TBC1D4: variants seen among roughly 807,000 people sequenced by gnomAD.
TBC1D4 encodes TBC1 domain family member 4, also known as TBC (Tre-2, BUB2, CDC16) domain-containing protein.
Under a neutral mutation model 142.5 loss-of-function variants are expected in TBC1D4, and 121 were observed. The ratio of observed to expected loss-of-function variants is 0.85; its 90% CI spans 0.73 to 0.99. The LOEUF is 0.99. Ranked by LOEUF, TBC1D4 falls within the 50% of genes least tolerant of loss-of-function variation. The pLI is 0.00. For missense variants in TBC1D4, 1,475 were observed against 1,606.6 expected (o/e 0.92, Z 1.40); for synonymous variants, 630 against 628.2 (o/e 1.00, Z -0.04).
chr13:75,410,935 C>CAAAAAAAAAA (rs60172018), intron 1 of TBC1D4, among the ~76,000 whole-genome samples: 4 of 63,208 alleles, frequency 6.3e-5, no homozygotes, highest in Admixed American at 2.6e-4. Flanking sequence ...GACTCCGTCT[C>CAAAAAAAAAA]AAAAAAAAAA....
chr13:75,295,749 T>C (rs924291670), intron 17 of TBC1D4, among the ~76,000 whole-genome samples: 2 of 152,196 alleles, frequency 1.3e-5, no homozygotes, highest in Non-Finnish European at 2.9e-5. Context: ...ATACTACAGA[T>C]AAAGCAGTAG....
chr13:75,345,213 A>G (rs1881049066), intron 5 of TBC1D4, among the ~76,000 whole-genome samples: 1 of 152,208 alleles, frequency 6.6e-6, no homozygotes, highest in Non-Finnish European at 1.5e-5. Context: ...TCATGTGTAA[A>G]AGAGATTCAG....
chr13:75,329,774 G>A (rs1315274174), intron 8 of TBC1D4, among the ~76,000 whole-genome samples: 3 of 152,016 alleles, frequency 2.0e-5, no homozygotes, highest in East Asian at 3.8e-4. Context: ...CTAATAGTTC[G>A]GCTGGATATC....
At chr13:75,345,491 C>T (rs888204536) in intron 5 of TBC1D4, among the ~76,000 whole-genome samples, 1 of 152,164 alleles carries the variant, frequency 6.6e-6, no homozygotes, top group Non-Finnish European at 1.5e-5. Flanking sequence ...TACATGCATG[C>T]CTTGAAGTGC....
At position 75,294,935 on chromosome 13, in the gene TBC1D4, T is replaced by C. The variant is rs1322363170; in HGVS notation, c.3235A>G (p.Ser1079Gly). The C allele has an allele frequency of 6.2e-7, 1 of 1,613,888 alleles. No individual in the cohort carries two copies. The highest frequency in any genetic ancestry group is 1.3e-5 in the African/African-American group (1 of 74,920). ...CAGGGGGCAGCATAAAGACTGGGGC[T>C]GATTTCATTTTCTTCAAGGTGATTG... ...LYNHLEENEI[S>G]PSLYAAPWFL... The change falls in exon 18 of 21, where the codon AGC becomes GGC. Residue 1079 changes from serine (S) to glycine (G), a missense_variant. By Grantham distance (56) the Ser-to-Gly change is moderately conservative (BLOSUM62 0). Around this residue, in one of 2 missense-constraint regions of TBC1D4, gnomAD observed 248 missense variants for 338.9 expected, o/e 0.73. Coordinates refer to ENST00000377636, the MANE Select transcript of TBC1D4 (RefSeq NM_014832.5).
intron 3 of TBC1D4, among the ~76,000 whole-genome samples, chr13:75,358,383 G>A (rs1187178801): frequency 6.6e-6 from 1 of 152,162 alleles, no homozygotes; most frequent in Non-Finnish European, 1.5e-5. Context: ...TGTCCTTTAA[G>A]TAGGAATGTA....
At chr13:75,410,140 T>C (rs1593855724) in intron 1 of TBC1D4, among the ~76,000 whole-genome samples, 1 of 152,228 alleles carries the variant, frequency 6.6e-6, no homozygotes, top group Non-Finnish European at 1.5e-5. Flanking sequence ...TGTATGCTCA[T>C]GATAATCACT....
chr13:75,439,623 A>G (rs1259984151), intron 1 of TBC1D4, among the ~76,000 whole-genome samples: 1 of 152,202 alleles, frequency 6.6e-6, no homozygotes, highest in Non-Finnish European at 1.5e-5. Context: ...CCCAATGTTT[A>G]GAAAAACTGG....
chr13:75,332,076 T>C (rs931083160), intron 8 of TBC1D4, among the ~76,000 whole-genome samples: 1 of 152,110 alleles, frequency 6.6e-6, no homozygotes, highest in African/African-American at 2.4e-5. Context: ...TTGCTGAAAA[T>C]GTCATTACAG....
chr13:75,474,166 T>C (rs1408441428), intron 1 of TBC1D4, among the ~76,000 whole-genome samples: 3 of 152,246 alleles, frequency 2.0e-5, no homozygotes, highest in Admixed American at 2.0e-4. Context: ...CATATTTACC[T>C]GTGGAGATTT....
chr13:75,418,702 T>C lies in TBC1D4; in HGVS notation c.499-56095A>G, dbSNP rs182806422. Among the ~76,000 whole-genome samples the C allele has an allele frequency of 5.8e-3, 878 of 152,320 alleles. 5 individuals carry two copies. The highest frequency in any genetic ancestry group is 8.6e-3 in the Non-Finnish European group (587 of 68,026). Reference sequence around the variant, plus strand: ...GCCTTACATAAGCAATTGCTAATAATTTCTCAGAAGGGCCAGCTCTGCTAA... The same window carrying C: ...GCCTTACATAAGCAATTGCTAATAACTTCTCAGAAGGGCCAGCTCTGCTAA... On this transcript the variant is annotated intron_variant, in intron 1 of 20. Coordinates refer to ENST00000377636, the MANE Select transcript of TBC1D4 (RefSeq NM_014832.5).
chr13:75,358,787 C>T (rs1882270833), intron 3 of TBC1D4, among the ~76,000 whole-genome samples: 2 of 151,934 alleles, frequency 1.3e-5, no homozygotes, highest in Non-Finnish European at 2.9e-5. Context: ...TTGCTTGAGC[C>T]GGAAAGGTCA....
intron 1 of TBC1D4, among the ~76,000 whole-genome samples, chr13:75,381,836 A>G (rs1011361077): frequency 1.3e-5 from 2 of 152,238 alleles, no homozygotes; most frequent in African/African-American, 4.8e-5. Flanking sequence ...CCAAACACAC[A>G]AAATAATATA....
intron 7 of TBC1D4, among the ~76,000 whole-genome samples, chr13:75,338,331 G>A (rs761842301): frequency 8.6e-5 from 13 of 151,436 alleles, no homozygotes; most frequent in Non-Finnish European, 1.8e-4. Context: ...ACAGGGCTCA[G>A]GGTGTGTATA....
intron 9 of TBC1D4, among the ~76,000 whole-genome samples, chr13:75,327,070 C>T (rs1221323421): frequency 6.6e-6 from 1 of 152,100 alleles, no homozygotes; most frequent in African/African-American, 2.4e-5. Context: ...TGCTGGAATG[C>T]ATCTCATATT....
chr13:75,387,402 A>AT (rs1396227507), intron 1 of TBC1D4, among the ~76,000 whole-genome samples: 1 of 152,214 alleles, frequency 6.6e-6, no homozygotes, highest in Non-Finnish European at 1.5e-5. Flanking sequence ...ATCTGAAACT[A>AT]TATCAGTGAA....
rs1373186453 is a variant in TBC1D4 at position 75,308,387 on chromosome 13, A to G, written c.2593+1555T>C. Among the ~76,000 whole-genome samples, 5 of 152,214 alleles carry G rather than the reference A, an allele frequency of 3.3e-5. No individual in the cohort carries two copies. In the East Asian group the frequency reaches 9.6e-4, roughly 29 times the overall value. ...GTGGGGTGCTGGGGAAAGCCCGAGA[A>G]CCACGATGAATAAACCTGAGTTTTG... On this transcript the variant is annotated intron_variant, in intron 14 of 20. Coordinates refer to ENST00000377636, the MANE Select transcript of TBC1D4 (RefSeq NM_014832.5).
intron 1 of TBC1D4, among the ~76,000 whole-genome samples, chr13:75,424,155 C>G (rs1435322101): frequency 6.6e-6 from 1 of 151,716 alleles, no homozygotes; most frequent in Non-Finnish European, 1.5e-5. Context: ...TGCTGGTAGT[C>G]CCAGTTACTC....
At chr13:75,350,953 G>A (rs2138122021) in intron 4 of TBC1D4, among the ~76,000 whole-genome samples, 1 of 152,180 alleles carries the variant, frequency 6.6e-6, no homozygotes, top group East Asian at 1.9e-4. Context: ...TGAGATCAGT[G>A]CAACTAAAAG....
Sources: gnomAD v4.1 joint callset for allele counts (sites outside exome capture counted in the v4.1 genomes callset) on GRCh38, gnomAD v4.1.1 for gene constraint, gnomAD v4.1.1 regional missense constraint, MANE v1.5 for transcripts, NCBI Gene and HGNC (gene_info 2026-07-23, HGNC 2026-07-21) for gene names.